Variants in MEIKIN observed in about 807,000 individuals in gnomAD.
MEIKIN encodes meiosis-specific kinetochore protein.
intron 11 of MEIKIN, among the ~76,000 whole-genome samples, chr5:131,840,363 T>C (rs188998798): frequency 5.9e-5 from 9 of 152,314 alleles, no homozygotes; most frequent in East Asian, 1.9e-4. Flanking sequence ...TTGTGAAGTA[T>C]CTTAGTAAGG....
intron 10 of MEIKIN, among the ~76,000 whole-genome samples, chr5:131,853,337 G>A (rs1750146044): frequency 2.0e-5 from 3 of 152,112 alleles, no homozygotes; most frequent in Non-Finnish European, 4.4e-5. Flanking sequence ...ATCTCCTTGT[G>A]CCTGAGCAGT....
intron 3 of MEIKIN, 57 bp from the exon 4 acceptor site, chr5:131,942,752 T>C (rs972405317): frequency 2.5e-6 from 1 of 396,692 alleles, no homozygotes. Context: ...CATTTCTATA[T>C]TATAATCTTG....
chr5:131,808,146 T>C (rs544377334), intron 12 of MEIKIN, among the ~76,000 whole-genome samples: 1 of 152,322 alleles, frequency 6.6e-6, no homozygotes, highest in African/African-American at 2.4e-5. Context: ...ACAAGTACAT[T>C]AAAGTCTGGG....
intron 4 of MEIKIN, among the ~76,000 whole-genome samples, chr5:131,937,420 G>C (rs2149654229): frequency 6.6e-6 from 1 of 152,176 alleles, no homozygotes; most frequent in South Asian, 2.1e-4. Context: ...GGCAATGGTA[G>C]CAAGTTTAAA....
intron 11 of MEIKIN, among the ~76,000 whole-genome samples, chr5:131,822,354 C>T (rs566176136): frequency 8.6e-5 from 13 of 151,798 alleles, no homozygotes; most frequent in East Asian, 3.9e-4. Flanking sequence ...GGTTGACTGA[C>T]GGTCTTCTCT....
chr5:131,910,198 G>A (rs1751311387), intron 8 of MEIKIN, among the ~76,000 whole-genome samples: 1 of 152,124 alleles, frequency 6.6e-6, no homozygotes, highest in Non-Finnish European at 1.5e-5. Context: ...AATGGATAAA[G>A]AAAATGTGGT....
intron 7 of MEIKIN, among the ~76,000 whole-genome samples, chr5:131,912,514 C>G (rs970391366): frequency 2.0e-5 from 3 of 151,784 alleles, no homozygotes; most frequent in African/African-American, 7.3e-5. Context: ...AGCCTCTGAC[C>G]ACAAAAATGG....
chr5:131,829,786 T>C (rs1749681637), intron 11 of MEIKIN, among the ~76,000 whole-genome samples: 1 of 152,094 alleles, frequency 6.6e-6, no homozygotes, highest in Admixed American at 6.5e-5. Context: ...GAAGTAGATA[T>C]TGGAGTTATG....
intron 5 of MEIKIN, among the ~76,000 whole-genome samples, chr5:131,922,286 T>C (rs145914736): frequency 2.0e-4 from 30 of 152,292 alleles, no homozygotes; most frequent in African/African-American, 6.7e-4. Context: ...AGTCAGCCCT[T>C]TGTATTTATG....
intron 8 of MEIKIN, among the ~76,000 whole-genome samples, chr5:131,882,541 G>C (rs766868086): frequency 2.0e-5 from 3 of 152,070 alleles, no homozygotes; most frequent in Non-Finnish European, 4.4e-5. Context: ...AGGTGTTGTA[G>C]CTACCGACCT....
At chr5:131,907,796 C>T (rs1290611516) in intron 8 of MEIKIN, among the ~76,000 whole-genome samples, 2 of 151,866 alleles carry the variant, frequency 1.3e-5, no homozygotes, top group Non-Finnish European at 2.9e-5. Flanking sequence ...CACTTGAACC[C>T]GGGAGTCAGA....
intron 5 of MEIKIN, among the ~76,000 whole-genome samples, chr5:131,931,781 T>G (rs921144277): frequency 6.6e-6 from 1 of 152,090 alleles, no homozygotes; most frequent in African/African-American, 2.4e-5. Flanking sequence ...CCATAAGGAG[T>G]AGGCAGATCC....
At chr5:131,914,395 A>G (rs542728749) in intron 7 of MEIKIN, among the ~76,000 whole-genome samples, 112 of 150,664 alleles carry the variant, frequency 7.4e-4, no homozygotes, top group South Asian at 5.9e-3. Flanking sequence ...AAAAAAAAAA[A>G]AAAGAAAGAA....
intron 9 of MEIKIN, among the ~76,000 whole-genome samples, chr5:131,859,000 G>A (rs537639376): frequency 1.4e-4 from 22 of 152,282 alleles, no homozygotes; most frequent in Admixed American, 1.2e-3. Context: ...GTTCAGCCAC[G>A]GTGGAAAGCA....
At chr5:131,878,813 T>A in intron 9 of MEIKIN, 165 bp downstream of exon 9, 1 of 371,316 alleles carries the variant, frequency 2.7e-6, no homozygotes, top group Non-Finnish European at 4.7e-6. Context: ...AGTTCAAGGC[T>A]GTAGTGAGCT....
chr5:131,845,814 T>C (rs1306142752), intron 11 of MEIKIN, among the ~76,000 whole-genome samples: 4 of 152,072 alleles, frequency 2.6e-5, no homozygotes, highest in African/African-American at 9.7e-5. Context: ...CAAGCAAACC[T>C]ACATATATAT....
chr5:131,815,469 C>A (rs1312585081), intron 12 of MEIKIN, among the ~76,000 whole-genome samples: 1 of 152,208 alleles, frequency 6.6e-6, no homozygotes, highest in Non-Finnish European at 1.5e-5. Flanking sequence ...ATTTATTCTT[C>A]CTGTTCTCAT....
At chr5:131,931,686 T>C (rs1380507828) in intron 5 of MEIKIN, among the ~76,000 whole-genome samples, 3 of 152,212 alleles carry the variant, frequency 2.0e-5, no homozygotes, top group East Asian at 1.9e-4. Context: ...GGCCCCATGC[T>C]TGCCAGGATG....
chr5:131,890,956 G>A lies in MEIKIN; in HGVS notation c.704-11908C>T, dbSNP rs181606002. Among the ~76,000 whole-genome samples, 75 of 152,286 alleles carry A rather than the reference G, an allele frequency of 4.9e-4. 1 individual carries two copies. The East Asian group carries it at 0.014, about 27-fold the overall frequency. ...GGTTTCAAAGAACATCTTTATTTCTGCCTTCATTTCGTTATGTACCCAGTA... is the reference window on the plus strand; with the variant it reads ...GGTTTCAAAGAACATCTTTATTTCTACCTTCATTTCGTTATGTACCCAGTA... On this transcript the variant is annotated intron_variant, in intron 8 of 12. Transcript: ENST00000442687.
Sources: allele counts gnomAD v4.1 joint callset (sites outside exome capture counted in the v4.1 genomes callset), GRCh38; gene constraint gnomAD v4.1.1; transcripts MANE v1.5; gene names NCBI Gene and HGNC (gene_info 2026-07-23, HGNC 2026-07-21).